The following TRAPPC10 variants were observed in gnomAD, a reference collection of about 807,000 sequenced individuals.
The protein encoded by TRAPPC10 is trafficking protein particle complex subunit 10, also known as TRAPP 130 kDa subunit.
A neutral mutation model predicts 125.5 loss-of-function variants in TRAPPC10; 23 were observed. The ratio of observed to expected loss-of-function variants is 0.18; its 90% CI spans 0.13 to 0.26. The LOEUF is 0.26. Ranked by LOEUF, TRAPPC10 falls within the 10% of genes least tolerant of loss-of-function variation. The pLI is 1.00. For missense variants in TRAPPC10, 1,123 were observed against 1,308.4 expected, an observed-to-expected ratio of 0.86 and a Z score of 2.19; for synonymous variants, 509 against 518.0, an observed-to-expected ratio of 0.98 and a Z score of 0.24.
At chr21:44,074,780 G>C (rs1019993390) in intron 8 of TRAPPC10, among the ~76,000 whole-genome samples, 1 of 152,224 alleles carries the variant, frequency 6.6e-6, no homozygotes, top group African/African-American at 2.4e-5. Flanking sequence ...TGTGCAGCAG[G>C]TAGGCTGGGC....
intron 7 of TRAPPC10, among the ~76,000 whole-genome samples, chr21:44,065,627 C>G (rs999328329): frequency 2.6e-5 from 4 of 152,308 alleles, no homozygotes; most frequent in African/African-American, 9.6e-5. Context: ...GAACCCGCTT[C>G]CTGTTTCGTC....
At position 44,032,385 on chromosome 21, in the gene TRAPPC10, T is replaced by TC. The variant is rs892500775; in HGVS notation, c.149+213_149+214insC. ...TATGGAATGCCATGGTTTTCTTTTT[T>TC]TTTTTTTTTTTTTTTGAGACAGAGT... On this transcript the variant is annotated intron_variant, in intron 2 of 22. Transcript: ENST00000291574. Among the ~76,000 whole-genome samples, 19 of 145,108 alleles carry TC rather than the reference T, an allele frequency of 1.3e-4. No homozygotes were observed. The South Asian group carries it at 1.6e-3, about 12-fold the overall frequency.
chr21:44,015,803 A>G (rs993756439), intron 1 of TRAPPC10, among the ~76,000 whole-genome samples: 4 of 151,882 alleles, frequency 2.6e-5, no homozygotes, highest in Non-Finnish European at 5.9e-5. Context: ...TAATAGAGAC[A>G]CAGTTTCACC....
chr21:44,046,913 T>C, intron 3 of TRAPPC10: 1 of 842,108 alleles, frequency 1.2e-6, no homozygotes, highest in Non-Finnish European at 2.0e-6. Flanking sequence ...CACACGTCCA[T>C]GACTGGCCGT....
rs2037165929 is a variant in TRAPPC10, at chr21:44,074,968, A to G, written c.1186-71A>G. 9 of 1,142,588 alleles carry G rather than the reference A, an allele frequency of 7.9e-6. No homozygotes were observed. In the East Asian group the frequency reaches 2.0e-4, roughly 25 times the overall value. The allele number at this position is 1,142,588 out of a possible 1,614,324, so 70.8% of individuals were successfully genotyped here. The stretch of plus-strand genomic sequence containing the variant: ...AGAATTTAGCTGGATTTGAATTTTT[A>G]TATTTAAATTCTTGAATTCCCTGCT... On this transcript the variant is annotated intron_variant, in intron 8 of 22. Transcript: ENST00000291574.
At chr21:44,076,363 G>A (rs2037281093) in intron 9 of TRAPPC10, among the ~76,000 whole-genome samples, 189 bp from the exon 10 acceptor site, 1 of 152,206 alleles carries the variant, frequency 6.6e-6, no homozygotes, top group Non-Finnish European at 1.5e-5. Flanking sequence ...AAAGCGTTTT[G>A]ACTATTTTAT....
At chr21:44,089,584 ACT>A (rs1353315025) in intron 17 of TRAPPC10, 2 of 542,440 alleles carry the variant, frequency 3.7e-6, no homozygotes, top group African/African-American at 1.9e-5. Flanking sequence ...CGTTGAGGTG[ACT>A]CTGGTGATGT....
chr21:44,081,071 A>G (rs1408752460), intron 13 of TRAPPC10, among the ~76,000 whole-genome samples: 1 of 129,392 alleles, frequency 7.7e-6, no homozygotes, highest in African/African-American at 3.0e-5. Context: ...GCTGGAGTGC[A>G]GTGGCACGAT....
intron 1 of TRAPPC10, among the ~76,000 whole-genome samples, chr21:44,016,570 G>A (rs2031865458): frequency 6.6e-6 from 1 of 152,182 alleles, no homozygotes. Flanking sequence ...TTTTAAAGGG[G>A]AAAACAGGCA....
chr21:44,041,836 T>C (rs923159388), intron 3 of TRAPPC10, among the ~76,000 whole-genome samples: 1 of 152,064 alleles, frequency 6.6e-6, no homozygotes, highest in African/African-American at 2.4e-5. Flanking sequence ...AAGTGATTCT[T>C]CTGCCTCAGA....
chr21:44,085,709 A>T (rs996079254), intron 15 of TRAPPC10, among the ~76,000 whole-genome samples: 1 of 67,128 alleles, frequency 1.5e-5, no homozygotes, highest in Non-Finnish European at 2.4e-5. Flanking sequence ...TCCATCTCTT[A>T]AAAAAAAAAA....
chr21:44,032,130 C>A lies in TRAPPC10; in HGVS notation c.107C>A (p.Thr36Lys). ...AATTTATTTACCTCTGTTTATCCAA[C>A]GCTCTCTCAGCAGCTTCCAAGAGAA... ...DQNLFTSVYP[T>K]LSQQLPREPM... The change falls in exon 2 of 23, where the codon ACG becomes AAG. Residue 36 changes from threonine (T) to lysine (K), a missense_variant. By Grantham distance (78) the Thr-to-Lys change is moderately conservative. This residue lies in a region of TRAPPC10 where 177 missense variants were observed against 228.9 expected (regional missense o/e 0.77). Transcript: ENST00000291574. 1 of 1,613,988 alleles carries A rather than the reference C, an allele frequency of 6.2e-7. No individual in the cohort carries two copies.
intron 3 of TRAPPC10, chr21:44,046,909 T>C: frequency 6.0e-6 from 5 of 840,148 alleles, no homozygotes; most frequent in Non-Finnish European, 1.0e-5. Context: ...CGCCCACACG[T>C]CCATGACTGG....
chr21:44,014,218 G>A (rs536313302), intron 1 of TRAPPC10, among the ~76,000 whole-genome samples: 1 of 152,278 alleles, frequency 6.6e-6, no homozygotes, highest in Non-Finnish European at 1.5e-5. Context: ...CATAACTAAA[G>A]GGGTAAAGTT....
chr21:44,075,222 C>A, intron 9 of TRAPPC10, 69 bp downstream of exon 9: 1 of 1,153,408 alleles, frequency 8.7e-7, no homozygotes, highest in Non-Finnish European at 1.3e-6. Flanking sequence ...TGCAAGTTGG[C>A]ACATTTAACC....
chr21:44,060,947 CT>C lies in TRAPPC10; in HGVS notation c.790+1742del, dbSNP rs1555945308. Reference sequence around the variant, plus strand: ...ACACACACACACACACACACACACACTTTTTTTTTGAGACGGAGTCTTGCTT... The same window carrying C: ...ACACACACACACACACACACACACACTTTTTTTTGAGACGGAGTCTTGCTT... On this transcript the variant is annotated intron_variant, in intron 6 of 22. Transcript: ENST00000291574. Among the ~76,000 whole-genome samples, 350 of 143,634 alleles carry C rather than the reference CT, an allele frequency of 2.4e-3. 2 individuals are homozygous for C. Among genetic ancestry groups the C allele is most frequent in the African/African-American group, 8.9e-3 (342 of 38,524 alleles). 94.2% of individuals were successfully genotyped at this position (143,634 alleles called of 152,430 possible).
At chr21:44,066,396 A>G (rs1687886872) in intron 7 of TRAPPC10, among the ~76,000 whole-genome samples, 1 of 152,168 alleles carries the variant, frequency 6.6e-6, no homozygotes, top group South Asian at 2.1e-4. Flanking sequence ...TTAATGGAAA[A>G]TGTGTTAAGA....
intron 1 of TRAPPC10, among the ~76,000 whole-genome samples, chr21:44,027,758 T>G (rs776787613): frequency 6.6e-6 from 1 of 152,170 alleles, no homozygotes; most frequent in Non-Finnish European, 1.5e-5. Context: ...ATGACCCTAA[T>G]GTGATGGTTT....
rs2038218012 is a variant in TRAPPC10, at chr21:44,087,436, AC to A, written c.2540-262del. Among the ~76,000 whole-genome samples the A allele has an allele frequency of 6.6e-6, 1 of 152,184 alleles. No individual in the cohort carries two copies. The highest frequency in any genetic ancestry group is 1.5e-5 in the Non-Finnish European group (1 of 68,024). On this transcript the variant is annotated intron_variant, in intron 16 of 22. Coordinates refer to ENST00000291574, the MANE Select transcript of TRAPPC10 (RefSeq NM_003274.5). This position sits in a 1 kb window ranked among gnomAD's most constrained non-coding sequence, Gnocchi z 4.6. Reference sequence around the variant, plus strand: ...ACGGGAGAAAGTCATGCAGGGACCTACACAGGACTTGGGTGGGCCCCGTGGG... The same window carrying A: ...ACGGGAGAAAGTCATGCAGGGACCTAACAGGACTTGGGTGGGCCCCGTGGG...
Sources: gnomAD v4.1 joint callset for allele counts (sites outside exome capture counted in the v4.1 genomes callset) on GRCh38, gnomAD v4.1.1 for gene constraint, gnomAD v4.1.1 regional missense constraint, Gnocchi (gnomAD v3.1) non-coding constraint, MANE v1.5 for transcripts, NCBI Gene and HGNC (gene_info 2026-07-23, HGNC 2026-07-21) for gene names.